CPS1: variants seen among roughly 807,000 people sequenced by gnomAD.
CPS1 encodes the protein carbamoyl-phosphate synthase [ammonia], mitochondrial.
CPS1 carries 109 observed loss-of-function variants against 174.6 expected under a neutral mutation model. The observed-to-expected ratio is 0.62, with a 90% confidence interval of 0.53 to 0.73. The LOEUF is 0.73. Among genes scored for constraint, CPS1 ranks in the 30% least tolerant of loss-of-function variants. The probability of loss-of-function intolerance (pLI) is 0.00; values close to 1 mark genes in which losing one functional copy is unlikely to be tolerated. For synonymous variants in CPS1, 637 were observed against 632.0 expected (o/e 1.01, Z -0.12); for missense variants, 1,689 against 1,821.9 (o/e 0.93, Z 1.33).
intron 1 of CPS1, among the ~76,000 whole-genome samples, chr2:210,545,721 C>A (rs1037372550): frequency 6.6e-6 from 1 of 151,902 alleles, no homozygotes; most frequent in African/African-American, 2.4e-5. Flanking sequence ...TAGTCACATG[C>A]GTAGAGGATA....
intron 21 of CPS1, among the ~76,000 whole-genome samples, chr2:210,622,898 GT>G (rs373381664): frequency 2.4e-4 from 37 of 151,120 alleles, no homozygotes; most frequent in Non-Finnish European, 3.8e-4. Context: ...TGTTTTTTTG[GT>G]TTCTTTAGCT....
chr2:210,531,692 C>T (rs1370041812), intron 1 of CPS1, among the ~76,000 whole-genome samples: 2 of 152,064 alleles, frequency 1.3e-5, no homozygotes, highest in Non-Finnish European at 2.9e-5. Context: ...TATTTACAAT[C>T]CACCACCAAA....
chr2:210,634,573 A>G (rs1043620629), intron 21 of CPS1, among the ~76,000 whole-genome samples: 1 of 152,154 alleles, frequency 6.6e-6, no homozygotes, highest in African/African-American at 2.4e-5. Flanking sequence ...AAGCCTTTCC[A>G]GACTTCTCCA....
intron 1 of CPS1, among the ~76,000 whole-genome samples, chr2:210,524,755 C>G (rs564416419): frequency 5.3e-5 from 8 of 152,058 alleles, no homozygotes; most frequent in South Asian, 4.1e-4. Context: ...GGCACTCAGA[C>G]AAGGTCATTG....
At chr2:210,571,164 G>A (rs1371990861) in intron 1 of CPS1, among the ~76,000 whole-genome samples, 1 of 151,856 alleles carries the variant, frequency 6.6e-6, no homozygotes, top group African/African-American at 2.4e-5. Flanking sequence ...AATTATTGTG[G>A]TTTCCTTTGT....
chr2:210,534,375 A>G (rs186026371), intron 1 of CPS1, among the ~76,000 whole-genome samples: 75 of 152,302 alleles, frequency 4.9e-4, no homozygotes, highest in African/African-American at 1.7e-3. Flanking sequence ...TGCTTAATGC[A>G]AACTTACTCT....
chr2:210,554,836 T>TAC (rs3060397), upstream of CPS1, among the ~76,000 whole-genome samples: 28,831 of 147,692 alleles, frequency 0.2, 3,068 homozygotes, highest in African/African-American at 0.29. Context: ...CAACCCTCAC[T>TAC]ACACACACAC....
chr2:210,503,044 T>C (rs1299280202), intron 1 of CPS1, among the ~76,000 whole-genome samples: 1 of 152,188 alleles, frequency 6.6e-6, no homozygotes, highest in Non-Finnish European at 1.5e-5. Flanking sequence ...GCAGGCAGAA[T>C]TGAGATCATT....
intron 1 of CPS1, among the ~76,000 whole-genome samples, chr2:210,569,157 T>C (rs111315725): frequency 3.4e-4 from 52 of 152,106 alleles, no homozygotes; most frequent in Non-Finnish European, 5.4e-4. Context: ...GACCCAATAC[T>C]CTGCCTGCAT....
intron 1 of CPS1, among the ~76,000 whole-genome samples, chr2:210,501,260 T>G (rs1055106775): frequency 1.3e-4 from 20 of 152,084 alleles, no homozygotes; most frequent in African/African-American, 4.6e-4. Context: ...CCTGGGGACA[T>G]TTTCCCATTG....
intron 1 of CPS1, among the ~76,000 whole-genome samples, chr2:210,524,990 G>T (rs1456778747): frequency 6.6e-6 from 1 of 151,856 alleles, no homozygotes; most frequent in Non-Finnish European, 1.5e-5. Context: ...CAATTCTCAG[G>T]TTTCATCCAC....
At chr2:210,593,637 A>G (rs1272202582) in intron 11 of CPS1, 1 of 985,250 alleles carries the variant, frequency 1.0e-6, no homozygotes, top group Non-Finnish European at 1.2e-6. Context: ...CTCCAGTAGC[A>G]AATCTTCATT....
At chr2:210,569,709 A>G (rs1419962926) in intron 1 of CPS1, among the ~76,000 whole-genome samples, 1 of 152,026 alleles carries the variant, frequency 6.6e-6, no homozygotes, top group African/African-American at 2.4e-5. Flanking sequence ...TGGCATATAC[A>G]TTTTTATTAA....
At chr2:210,484,787 G>A (rs978211000) in intron 1 of CPS1, among the ~76,000 whole-genome samples, 1 of 152,156 alleles carries the variant, frequency 6.6e-6, no homozygotes. Context: ...GTAGGTGTAG[G>A]AGATAGACTT....
Position 210,582,697 on chromosome 2 carries a change from G to C in CPS1, c.609G>C (p.Glu203Asp), listed in dbSNP as rs752400781. The change falls in exon 6 of 38, where the codon GAG becomes GAC. Residue 203 changes from glutamate to aspartate, a missense_variant. By Grantham distance (45) the Glu-to-Asp change is conservative. Coordinates refer to ENST00000233072, the MANE Select transcript of CPS1 (RefSeq NM_001875.5). ...CAAATAAACAGAATTTGATTGCTGAGGTTTCAACCAAGGTGAGGGGTTTTC... is the reference window on the plus strand; with the variant it reads ...CAAATAAACAGAATTTGATTGCTGACGTTTCAACCAAGGTGAGGGGTTTTC... ...VDPNKQNLIA[E>D]VSTKDVKVYG... 6.2e-7 allele frequency: 1 copy of C among 1,611,904 alleles called. No homozygotes were observed. The highest frequency in any genetic ancestry group is 1.3e-5 in the African/African-American group (1 of 74,908).
At chr2:210,642,237 T>A (rs1029232316) in intron 24 of CPS1, among the ~76,000 whole-genome samples, 1 of 152,238 alleles carries the variant, frequency 6.6e-6, no homozygotes, top group Non-Finnish European at 1.5e-5. Flanking sequence ...TATTGAGATT[T>A]TCTATTGCAG....
At chr2:210,644,427 T>C in intron 25 of CPS1, among the ~76,000 whole-genome samples, 1 of 152,272 alleles carries the variant, frequency 6.6e-6, no homozygotes, top group Admixed American at 6.5e-5. Flanking sequence ...GGTTCATTTA[T>C]ATCATTTGGT....
At chr2:210,564,379 GA>G (rs1697210747) in intron 1 of CPS1, among the ~76,000 whole-genome samples, 2 of 151,572 alleles carry the variant, frequency 1.3e-5, no homozygotes, top group African/African-American at 2.4e-5. Context: ...AGTTAACAAT[GA>G]TTTTTTTTTT....
intron 13 of CPS1, 83 bp downstream of exon 13, chr2:210,595,665 C>G: frequency 2.1e-6 from 2 of 946,236 alleles, no homozygotes; most frequent in Non-Finnish European, 3.4e-6. Flanking sequence ...ATTTATGACA[C>G]TACCTCTTTT....
Sources: allele counts gnomAD v4.1 joint callset (sites outside exome capture counted in the v4.1 genomes callset), GRCh38; gene constraint gnomAD v4.1.1; transcripts MANE v1.5; gene names NCBI Gene and HGNC (gene_info 2026-07-23, HGNC 2026-07-21).